The following KCNH7 variants were observed in gnomAD, a reference collection of about 807,000 sequenced individuals.
KCNH7 encodes potassium voltage-gated channel subfamily H member 7.
KCNH7 carries 49 observed loss-of-function variants against 120.8 expected under a neutral mutation model. That is an observed-to-expected ratio of 0.41 (90% CI 0.32 to 0.51). The LOEUF (loss-of-function observed/expected upper bound fraction) is 0.51, where lower values mean the gene tolerates loss of function less well. Ranked by LOEUF, KCNH7 falls within the 20% of genes least tolerant of loss-of-function variation. The pLI is 0.38. For missense variants in KCNH7, 1,097 were observed against 1,446.6 expected, an observed-to-expected ratio of 0.76 and a Z score of 3.92; for synonymous variants, 547 against 516.1, an observed-to-expected ratio of 1.06 and a Z score of -0.81.
At chr2:162,658,102 GA>G (rs1684832496) in intron 2 of KCNH7, among the ~76,000 whole-genome samples, 1 of 151,400 alleles carries the variant, frequency 6.6e-6, no homozygotes, top group Non-Finnish European at 1.5e-5. Flanking sequence ...GAGCACACAA[GA>G]AGAAGACGGC....
intron 14 of KCNH7, among the ~76,000 whole-genome samples, chr2:162,377,233 G>A (rs1458896216): frequency 2.0e-5 from 3 of 151,082 alleles, no homozygotes; most frequent in Non-Finnish European, 4.4e-5. Flanking sequence ...GAGTAAAAAT[G>A]TAATATTTTG....
intron 2 of KCNH7, among the ~76,000 whole-genome samples, chr2:162,686,812 TCA>T (rs1438534132): frequency 6.6e-6 from 1 of 152,150 alleles, no homozygotes; most frequent in African/African-American, 2.4e-5. Flanking sequence ...TTGAGGGTCA[TCA>T]GTCTGCCAGG....
At chr2:162,835,728 ATT>A (rs1685640607) in intron 2 of KCNH7, among the ~76,000 whole-genome samples, 1 of 152,134 alleles carries the variant, frequency 6.6e-6, no homozygotes, top group East Asian at 1.9e-4. Flanking sequence ...TTACATATAT[ATT>A]GTGTATTTAA....
intron 2 of KCNH7, among the ~76,000 whole-genome samples, chr2:162,775,699 G>A (rs1683209895): frequency 6.6e-6 from 1 of 152,124 alleles, no homozygotes; most frequent in African/African-American, 2.4e-5. Context: ...CCTCCTTGAT[G>A]TCCATTAAGT....
chr2:162,612,634 T>TA (rs1683008468), intron 2 of KCNH7, among the ~76,000 whole-genome samples: 1 of 152,008 alleles, frequency 6.6e-6, no homozygotes, highest in Admixed American at 6.6e-5. Flanking sequence ...TCAAAGTCCA[T>TA]AATTAAAAAA....
chr2:162,651,123 A>G (rs200897602), intron 2 of KCNH7, among the ~76,000 whole-genome samples: 4 of 152,234 alleles, frequency 2.6e-5, no homozygotes, highest in Non-Finnish European at 5.9e-5. Flanking sequence ...AATGTTCTGT[A>G]TGCATGTCCA....
At chr2:162,798,458 A>G (rs1182188229) in intron 2 of KCNH7, among the ~76,000 whole-genome samples, 2 of 152,080 alleles carry the variant, frequency 1.3e-5, no homozygotes, top group African/African-American at 4.8e-5. Context: ...AAAATCTTCA[A>G]TACATTTTCT....
intron 2 of KCNH7, among the ~76,000 whole-genome samples, chr2:162,718,479 A>C (rs1267522681): frequency 6.6e-6 from 1 of 152,188 alleles, no homozygotes; most frequent in South Asian, 2.1e-4. Context: ...GCCTGAAATC[A>C]TTTAAAGCCC....
At position 162,562,049 on chromosome 2, in the gene KCNH7, G is replaced by A. The variant is rs556988367; in HGVS notation, c.308-24969C>T. On this transcript the variant is annotated intron_variant, in intron 2 of 15. Coordinates refer to ENST00000332142, the MANE Select transcript of KCNH7 (RefSeq NM_033272.4). The stretch of plus-strand genomic sequence containing the variant: ...CACAGGGAGGGGATCATCACACACC[G>A]GGGCCTGTTGGGTGGTCGGGGGCTA... Among the ~76,000 whole-genome samples the A allele has an allele frequency of 5.7e-4, 86 of 152,072 alleles. 1 individual carries two copies. Among genetic ancestry groups the A allele is most frequent in the South Asian group, 6.2e-4 (3 of 4,802 alleles).
chr2:162,762,056 T>C (rs750047138), intron 2 of KCNH7, among the ~76,000 whole-genome samples: 1 of 152,062 alleles, frequency 6.6e-6, no homozygotes, highest in Non-Finnish European at 1.5e-5. Context: ...AGCGTTGCTC[T>C]CTTTGCCTCT....
chr2:162,492,407 C>A (rs1336382815), intron 6 of KCNH7, among the ~76,000 whole-genome samples: 1 of 152,164 alleles, frequency 6.6e-6, no homozygotes, highest in Non-Finnish European at 1.5e-5. Flanking sequence ...CGTGGCAGTA[C>A]TCTCTTTTGG....
intron 14 of KCNH7, among the ~76,000 whole-genome samples, chr2:162,378,150 A>G (rs1686280547): frequency 6.6e-6 from 1 of 152,168 alleles, no homozygotes; most frequent in African/African-American, 2.4e-5. Context: ...ATCAATTTTT[A>G]CCTATCTGCA....
intron 2 of KCNH7, among the ~76,000 whole-genome samples, chr2:162,732,899 AT>A (rs1241782821): frequency 6.6e-6 from 1 of 152,208 alleles, no homozygotes; most frequent in African/African-American, 2.4e-5. Context: ...GCCTGAAACA[AT>A]GTTTTGTTAA....
chr2:162,483,869 G>T (rs1379372098), intron 6 of KCNH7, among the ~76,000 whole-genome samples: 4 of 152,116 alleles, frequency 2.6e-5, no homozygotes, highest in Non-Finnish European at 5.9e-5. Context: ...AGAGGATTGA[G>T]ACTAGGAGGA....
intron 2 of KCNH7, among the ~76,000 whole-genome samples, chr2:162,602,046 G>A (rs1323232288): frequency 6.6e-6 from 1 of 152,068 alleles, no homozygotes; most frequent in Non-Finnish European, 1.5e-5. Context: ...GCAGAGGAGG[G>A]GGGTGGAGTC....
At chr2:162,653,873 G>A (rs1222973713) in intron 2 of KCNH7, among the ~76,000 whole-genome samples, 1 of 152,132 alleles carries the variant, frequency 6.6e-6, no homozygotes, top group African/African-American at 2.4e-5. Flanking sequence ...GCACAAAAGT[G>A]CCAAAAACAT....
chr2:162,636,449 T>C (rs1368932586), intron 2 of KCNH7, among the ~76,000 whole-genome samples: 1 of 152,114 alleles, frequency 6.6e-6, no homozygotes. Context: ...TCGTGTTTCC[T>C]AATCCATGCA....
chr2:162,548,892 A>G (rs1378501051), intron 2 of KCNH7, among the ~76,000 whole-genome samples: 2 of 152,222 alleles, frequency 1.3e-5, no homozygotes, highest in African/African-American at 2.4e-5. Context: ...AGTTATCATT[A>G]TCATAAAGAA....
chr2:162,394,569 A>G (rs1297661341), intron 11 of KCNH7, 84 bp from the exon 12 acceptor site: 1 of 797,464 alleles, frequency 1.3e-6, no homozygotes, highest in African/African-American at 1.7e-5. Context: ...TTACTATTTC[A>G]TATTGTTTCA....
Sources: gnomAD v4.1 joint callset for allele counts (sites outside exome capture counted in the v4.1 genomes callset) on GRCh38, gnomAD v4.1.1 for gene constraint, MANE v1.5 for transcripts, NCBI Gene and HGNC (gene_info 2026-07-23, HGNC 2026-07-21) for gene names.